DNAAF6: variants seen among roughly 807,000 people sequenced by gnomAD.
The protein encoded by DNAAF6 is dynein axonemal assembly factor 6.
Under a neutral mutation model 13.7 loss-of-function variants are expected in DNAAF6, and 3 were observed. The ratio of observed to expected loss-of-function variants is 0.22; its 90% confidence interval spans 0.10 to 0.56. The LOEUF (loss-of-function observed/expected upper bound fraction) is 0.56, where lower values mean the gene tolerates loss of function less well. DNAAF6 is among the 20% of genes least tolerant of loss of function. DNAAF6 has a pLI of 0.92. For missense variants in DNAAF6, 130 were observed against 151.0 expected, an observed-to-expected ratio of 0.86 and a Z score of 0.73; for synonymous variants, 54 against 49.2, an observed-to-expected ratio of 1.10 and a Z score of -0.41.
intron 1 of DNAAF6, among the ~76,000 whole-genome samples, 185 bp downstream of exon 1, chrX:107,206,875 G>T (rs1261108041): frequency 9.0e-6 from 1 of 111,541 alleles, no homozygotes; most frequent in Non-Finnish European, 1.9e-5. Context: ...ACTAAATCCC[G>T]CTATCCTAGA....
rs779619659 is a variant in DNAAF6 at position 107,214,296 on chromosome X, AG to A, written c.153+1269del. On this transcript the variant is annotated intron_variant, in intron 2 of 6. Coordinates refer to ENST00000372453, the MANE Select transcript of DNAAF6 (RefSeq NM_173494.2). ...CTCATTTTTGCTACCTTAGTTGAGTAGCAGAATAATAATTTTCTGGAGCCTA... is the reference window on the plus strand; with the variant it reads ...CTCATTTTTGCTACCTTAGTTGAGTACAGAATAATAATTTTCTGGAGCCTA... 5.3e-5 allele frequency among the ~76,000 whole-genome samples: 6 copies of A among 112,183 alleles called. No homozygotes were observed. The South Asian group carries it at 2.2e-3, about 42-fold the overall frequency.
intron 2 of DNAAF6, among the ~76,000 whole-genome samples, chrX:107,214,581 G>A (rs1927933033): frequency 9.0e-6 from 1 of 111,220 alleles, no homozygotes; most frequent in Non-Finnish European, 1.9e-5. Flanking sequence ...AGTTTATAAA[G>A]GAAAATTACT....
intron 5 of DNAAF6, among the ~76,000 whole-genome samples, chrX:107,235,115 T>C (rs901438137): frequency 3.6e-5 from 4 of 112,312 alleles, no homozygotes; most frequent in Non-Finnish European, 7.5e-5. Flanking sequence ...TTTACCTCTC[T>C]TGAGGGAAGC....
chrX:107,239,634 G>A (rs1030894369), intron 6 of DNAAF6, among the ~76,000 whole-genome samples: 14 of 111,115 alleles, frequency 1.3e-4, no homozygotes, highest in African/African-American at 4.2e-4. Context: ...CCTTTGTTGA[G>A]CTTAGGACTT....
intron 6 of DNAAF6, 66 bp from the exon 7 acceptor site, chrX:107,243,103 A>G (rs912899401): frequency 4.7e-5 from 53 of 1,128,409 alleles, no homozygotes; most frequent in Non-Finnish European, 6.1e-5. Context: ...GTTGTTTGCA[A>G]TTGTCTTATT....
In DNAAF6 at chrX:107,243,530, G is replaced by GATT; in HGVS notation, c.*233_*234insTTA. 1 of 308,249 alleles carries GATT rather than the reference G, an allele frequency of 3.2e-6. No homozygotes were observed. The highest frequency in any genetic ancestry group is 5.1e-6 in the Non-Finnish European group (1 of 196,980). The allele number at this position is 308,249 out of a possible 1,213,427, so 25.4% of individuals were successfully genotyped here. ...CATGCCTGTAATCCCAACACTTTGG[G>GATT]AGGCCGAAGCAGGCGGATCACTTGA... On this transcript the variant is annotated 3_prime_UTR_variant, in exon 7 of 7. Transcript: ENST00000372453.
chrX:107,213,040 C>A lies in DNAAF6; in HGVS notation c.153+12C>A, dbSNP rs369953091. The A allele has an allele frequency of 2.1e-5, 24 of 1,163,716 alleles. No individual in the cohort carries two copies. Among genetic ancestry groups the A allele is most frequent in the Non-Finnish European group, 2.4e-5 (21 of 873,782 alleles). On this transcript the variant is annotated intron_variant, in intron 2 of 6. Coordinates refer to ENST00000372453, the MANE Select transcript of DNAAF6 (RefSeq NM_173494.2). Reference sequence around the variant, plus strand: ...CTGACTATGGACAGGTGGTCATATACTTAACAGTTGAATTAGTTTTGTTCA... The same window carrying A: ...CTGACTATGGACAGGTGGTCATATAATTAACAGTTGAATTAGTTTTGTTCA...
chrX:107,216,658 T>A lies in DNAAF6; in HGVS notation c.154-13T>A. The A allele has an allele frequency of 8.6e-7, 1 of 1,162,165 alleles. No individual in the cohort carries two copies. Among genetic ancestry groups the A allele is most frequent in the Non-Finnish European group, 1.2e-6 (1 of 862,000 alleles). On this transcript the variant is annotated splice_polypyrimidine_tract_variant and intron_variant, in intron 2 of 6. Coordinates refer to ENST00000372453, the MANE Select transcript of DNAAF6 (RefSeq NM_173494.2). ...ATTAATTACAGAATATTGAACTTTTTCTCCTCCCTCAGACAAATGGTTTAT... is the reference window on the plus strand; with the variant it reads ...ATTAATTACAGAATATTGAACTTTTACTCCTCCCTCAGACAAATGGTTTAT...
chrX:107,213,056 GT>G lies in DNAAF6; in HGVS notation c.153+32del, dbSNP rs749571750. Reference sequence around the variant, plus strand: ...GGTCATATACTTAACAGTTGAATTAGTTTTGTTCATGGGAAGTTGTGGAACT... The same window carrying G: ...GGTCATATACTTAACAGTTGAATTAGTTTGTTCATGGGAAGTTGTGGAACT... On this transcript the variant is annotated intron_variant, in intron 2 of 6. Coordinates refer to ENST00000372453, the MANE Select transcript of DNAAF6 (RefSeq NM_173494.2). 8 of 1,151,323 alleles carry G rather than the reference GT, an allele frequency of 6.9e-6. No individual in the cohort carries two copies. The African/African-American group carries it at 1.5e-4, about 21-fold the overall frequency. 94.9% of individuals were successfully genotyped at this position (1,151,323 alleles called of 1,213,427 possible). A position where few individuals can be genotyped will look rare whatever the true frequency, so the allele number is the denominator to read the frequency against.
At chrX:107,232,468 T>C (rs1928427108) in intron 5 of DNAAF6, among the ~76,000 whole-genome samples, 1 of 112,180 alleles carries the variant, frequency 8.9e-6, no homozygotes, top group Admixed American at 9.5e-5. Flanking sequence ...GAGGATAGCA[T>C]AGTAAACAAA....
At chrX:107,213,264 G>A (rs748110644) in intron 2 of DNAAF6, among the ~76,000 whole-genome samples, 16 of 112,138 alleles carry the variant, frequency 1.4e-4, no homozygotes, top group African/African-American at 4.2e-4. Flanking sequence ...TGTAACTGTG[G>A]TAGCAATAGC....
At chrX:107,225,439 A>G (rs1928233594) in intron 5 of DNAAF6, among the ~76,000 whole-genome samples, 1 of 111,530 alleles carries the variant, frequency 9.0e-6, no homozygotes. Flanking sequence ...ATAATGCCAT[A>G]TTATACCACC....
chrX:107,229,758 G>T (rs1257303979), intron 5 of DNAAF6, among the ~76,000 whole-genome samples: 1 of 111,075 alleles, frequency 9.0e-6, no homozygotes, highest in Non-Finnish European at 1.9e-5. Flanking sequence ...CGCGGTCTTG[G>T]CTCACTGCAA....
chrX:107,215,645 C>T (rs995061283), intron 2 of DNAAF6, among the ~76,000 whole-genome samples: 16 of 111,746 alleles, frequency 1.4e-4, no homozygotes, highest in African/African-American at 4.9e-4. Context: ...TAAAGACCCA[C>T]GTGAGCTGTT....
At chrX:107,233,845 G>A (rs1025031927) in intron 5 of DNAAF6, among the ~76,000 whole-genome samples, 31 of 111,849 alleles carry the variant, frequency 2.8e-4, no homozygotes, top group African/African-American at 8.8e-4. Context: ...TAATGGAAAA[G>A]GCTCAGGATT....
In DNAAF6 at chrX:107,216,580, T is replaced by G. The variant is rs5962806; in HGVS notation, c.154-91T>G. 0.25 allele frequency: 142,537 copies of G among 580,014 alleles called. 18,952 individuals carry two copies. The highest frequency in any genetic ancestry group is 0.76 in the African/African-American group (31,588 of 41,318). The allele number at this position is 580,014 out of a possible 1,213,427, so 47.8% of individuals were successfully genotyped here. On this transcript the variant is annotated intron_variant, in intron 2 of 6. Coordinates refer to ENST00000372453, the MANE Select transcript of DNAAF6 (RefSeq NM_173494.2). The stretch of plus-strand genomic sequence containing the variant: ...AAGTGGAAAGCTCCATGAGTTTTTT[T>G]ATGGAAATCCTATCAAATTTAAAGT...
At chrX:107,220,479 A>G (rs1042702794) in intron 4 of DNAAF6, among the ~76,000 whole-genome samples, 6 of 112,153 alleles carry the variant, frequency 5.3e-5, no homozygotes, top group African/African-American at 1.9e-4. Context: ...AACATCCATG[A>G]AAGCTTTAAA....
intron 5 of DNAAF6, among the ~76,000 whole-genome samples, chrX:107,229,125 C>CTTTTTTTTTTTTTT (rs1569375032): frequency 1.7e-5 from 1 of 57,802 alleles, no homozygotes; most frequent in African/African-American, 1.3e-4. Context: ...CTGTTGACTA[C>CTTTTTTTTTTTTTT]TCTTTTTTTT....
chrX:107,216,266 C>G (rs1927979673), intron 2 of DNAAF6, among the ~76,000 whole-genome samples: 1 of 111,626 alleles, frequency 9.0e-6, no homozygotes, highest in South Asian at 3.7e-4. Flanking sequence ...ATAAAACTTT[C>G]ACATACTCTG....
Sources: allele counts gnomAD v4.1 joint callset (sites outside exome capture counted in the v4.1 genomes callset), GRCh38; gene constraint gnomAD v4.1.1; transcripts MANE v1.5; gene names NCBI Gene and HGNC (gene_info 2026-07-23, HGNC 2026-07-21).